Variants in C6orf132 observed in about 807,000 individuals in gnomAD.
C6orf132 encodes the protein chromosome 6 open reading frame 132, also known as uncharacterized protein C6orf132.
C6orf132 carries 43 observed loss-of-function variants against 65.3 expected under a neutral mutation model. The ratio of observed to expected loss-of-function variants is 0.66; its 90% CI spans 0.52 to 0.85. C6orf132 has a LOEUF of 0.85. Among genes scored for constraint, C6orf132 ranks in the 40% least tolerant of loss-of-function variants. C6orf132 has a pLI of 0.00. For missense variants in C6orf132, 1,488 were observed against 1,548.8 expected (o/e 0.96, Z 0.66); for synonymous variants, 631 against 654.1 (o/e 0.96, Z 0.54).
In C6orf132 at chr6:42,107,361, GGCGGGGGTGGGGGTTCCAGCA is replaced by G; in HGVS notation, c.530_550del (p.Leu177_Pro183del). 2 of 1,034,452 alleles carry G rather than the reference GGCGGGGGTGGGGGTTCCAGCA, an allele frequency of 1.9e-6. No homozygotes were observed. The highest frequency in any genetic ancestry group is 2.8e-6 in the Non-Finnish European group (2 of 712,318). The allele number at this position is 1,034,452 out of a possible 1,614,324, so 64.1% of individuals were successfully genotyped here. ...TGGGGGTGGAGGTGGGGCCATGCTGGGCGGGGGTGGGGGTTCCAGCAGCAGGGGAGGTGGTGGGGGTGCTGT... is the reference window on the plus strand; with the variant it reads ...TGGGGGTGGAGGTGGGGCCATGCTGGGCAGGGGAGGTGGTGGGGGTGCTGT... On this transcript the variant is annotated inframe_deletion, in exon 4 of 5. Transcript: ENST00000341865.
Position 42,105,937 on chromosome 6 carries a change from G to A in C6orf132, c.1975C>T (p.Pro659Ser), listed in dbSNP as rs1766395100. The A allele has an allele frequency of 9.1e-6, 14 of 1,537,224 alleles. No homozygotes were observed. Among genetic ancestry groups the A allele is most frequent in the Non-Finnish European group, 1.2e-5 (14 of 1,146,906 alleles). The change falls in exon 4 of 5, where the codon CCA becomes TCA. Residue 659 changes from proline (P) to serine (S), a missense_variant. Transcript: ENST00000341865. ...PAIPPKATLW[P>S]ATPPKATLGP... ...AGTGTGGCCTTGGGTGGTGTGGCTGGCCAAAGTGTAGCCTTGGGTGGTATG... is the reference window on the plus strand; with the variant it reads ...AGTGTGGCCTTGGGTGGTGTGGCTGACCAAAGTGTAGCCTTGGGTGGTATG...
At chr6:42,127,212 C>G (rs1766781706) in intron 2 of C6orf132, among the ~76,000 whole-genome samples, 1 of 152,208 alleles carries the variant, frequency 6.6e-6, no homozygotes, top group Non-Finnish European at 1.5e-5. Flanking sequence ...ACCTCGGCCT[C>G]CCAAAGTGCT....
At chr6:42,138,208 G>A (rs986111312) in intron 1 of C6orf132, among the ~76,000 whole-genome samples, 5 of 152,198 alleles carry the variant, frequency 3.3e-5, no homozygotes, top group Non-Finnish European at 7.4e-5. Context: ...GTGCAGTGGT[G>A]CCATCATAGC....
Position 42,107,573 on chromosome 6 carries a change from T to G in C6orf132, c.339A>C (p.Ser113=). ...ACAGTCGGAGGTTGCCATTGACTAG[T>G]GAGCTGGTACCTGAAAGAAGGAGAG... is the stretch of plus-strand genomic sequence containing the variant. ...FADKEVTGTS[S]LVNGNLRLYS... The change falls in exon 4 of 5, where the codon TCA becomes TCC. Residue 113 remains serine (S), a synonymous_variant. Transcript: ENST00000341865. 1.9e-6 allele frequency: 3 copies of G among 1,550,480 alleles called. No homozygotes were observed. In the East Asian group the frequency reaches 7.3e-5, roughly 38 times the overall value.
chr6:42,115,289 CAAA>C (rs58397911), intron 2 of C6orf132, among the ~76,000 whole-genome samples: 10 of 73,646 alleles, frequency 1.4e-4, no homozygotes, highest in Admixed American at 3.2e-4. Flanking sequence ...GACTCCATCT[CAAA>C]AAAAAAAAAA....
chr6:42,141,456 A>G lies in C6orf132; in HGVS notation c.145+844T>C, dbSNP rs145626577. Among the ~76,000 whole-genome samples the G allele has an allele frequency of 4.3e-3, 649 of 152,306 alleles. 1 individual carries two copies. Among genetic ancestry groups the G allele is most frequent in the Middle Eastern group, 6.8e-3 (2 of 294 alleles). Reference sequence around the variant, plus strand: ...CTCCAGCCGCTGGCTTCCCCTAGTTATAGAGAATACAAATTGCAAAACGAT... The same window carrying G: ...CTCCAGCCGCTGGCTTCCCCTAGTTGTAGAGAATACAAATTGCAAAACGAT... On this transcript the variant is annotated intron_variant, in intron 1 of 4. Transcript: ENST00000341865.
At chr6:42,126,121 G>A (rs61611193) in intron 2 of C6orf132, among the ~76,000 whole-genome samples, 20,458 of 151,648 alleles carry the variant, frequency 0.13, 1,632 homozygotes, top group Middle Eastern at 0.22. Flanking sequence ...TCGCTCTGTC[G>A]TCCAGGCTGG....
chr6:42,130,754 C>G (rs1003909634), intron 1 of C6orf132, among the ~76,000 whole-genome samples: 1 of 151,864 alleles, frequency 6.6e-6, no homozygotes, highest in Non-Finnish European at 1.5e-5. Flanking sequence ...AAGGTAAAAA[C>G]TTACTGAGCA....
At position 42,101,275 on chromosome 6, in the gene C6orf132, C is replaced by A. The variant is rs1162210826; in HGVS notation, c.*2486G>T. The A allele has an allele frequency of 6.6e-6, 1 of 152,214 alleles. No homozygotes were observed. The highest frequency in any genetic ancestry group is 1.5e-5 in the Non-Finnish European group (1 of 68,048). 9.4% of individuals were successfully genotyped at this position (152,214 alleles called of 1,614,324 possible). A position where few individuals can be genotyped will look rare whatever the true frequency, so the allele number is the denominator to read the frequency against. ...TCAGTATGTCACCACCACAAGAGGC[C>A]TTCCCTGACTACCCTGTTAAAGTAA... is the stretch of plus-strand genomic sequence containing the variant. On this transcript the variant is annotated 3_prime_UTR_variant, in exon 5 of 5. Coordinates refer to ENST00000341865, the MANE Select transcript of C6orf132 (RefSeq NM_001164446.3).
In C6orf132 at chr6:42,104,763, C is replaced by G; in HGVS notation, c.3149G>C (p.Gly1050Ala). ...GCCCCCTCCCGAGAAGCGCTCCAGG[C>G]CCCCAGCCCCGGCGTAGCGCGCGCC... Reference protein sequence around the residue: ...PAGARYAGAGGLERFSGGGRS... With the variant: ...PAGARYAGAGALERFSGGGRS... The change falls in exon 4 of 5, where the codon GGC becomes GCC. Residue 1050 changes from glycine (G) to alanine (A), a missense_variant. Transcript: ENST00000341865. The surrounding 1 kb of genome is among the most constrained non-coding windows in gnomAD (Gnocchi z 4.1). 2 of 1,513,260 alleles carry G rather than the reference C, an allele frequency of 1.3e-6. No homozygotes were observed. The highest frequency in any genetic ancestry group is 1.8e-6 in the Non-Finnish European group (2 of 1,137,224). 93.7% of individuals were successfully genotyped at this position (1,513,260 alleles called of 1,614,324 possible).
intron 3 of C6orf132, among the ~76,000 whole-genome samples, chr6:42,109,163 G>A (rs1295416295): frequency 6.6e-6 from 1 of 152,134 alleles, no homozygotes; most frequent in Non-Finnish European, 1.5e-5. Flanking sequence ...GGCCGGGTGC[G>A]GTGGCTCACA....
chr6:42,104,736 C>A lies in C6orf132; in HGVS notation c.3176G>T (p.Arg1059Leu). 1.3e-6 allele frequency: 2 copies of A among 1,525,610 alleles called. No individual in the cohort carries two copies. Among genetic ancestry groups the A allele is most frequent in the South Asian group, 2.4e-5 (2 of 83,388 alleles). 94.5% of individuals were successfully genotyped at this position (1,525,610 alleles called of 1,614,324 possible). A position where few individuals can be genotyped will look rare whatever the true frequency, so the allele number is the denominator to read the frequency against. ...GGLERFSGGG[R>L]SLIKKRLYVG... is the part of the protein sequence containing the mutation. ...GTACAGGCGCTTCTTTATGAGCGAGCGGCCCCCTCCCGAGAAGCGCTCCAG... is the reference window on the plus strand; with the variant it reads ...GTACAGGCGCTTCTTTATGAGCGAGAGGCCCCCTCCCGAGAAGCGCTCCAG... Residue 1059 changes from arginine (R) to leucine (L), a missense_variant, in exon 4 of 5, where the codon CGC becomes CTC. Physicochemically the swap from Arg to Leu is moderately radical, Grantham distance 102. Coordinates refer to ENST00000341865, the MANE Select transcript of C6orf132 (RefSeq NM_001164446.3). The surrounding 1 kb of genome is among the most constrained non-coding windows in gnomAD (Gnocchi z 4.1).
At chr6:42,133,504 G>A (rs1180174750) in intron 1 of C6orf132, among the ~76,000 whole-genome samples, 1 of 152,160 alleles carries the variant, frequency 6.6e-6, no homozygotes, top group African/African-American at 2.4e-5. Context: ...CCTGGACCCA[G>A]GAGCTTCCAG....
chr6:42,115,203 TCACTTGAACC>T (rs1766546971), intron 2 of C6orf132, among the ~76,000 whole-genome samples: 1 of 146,324 alleles, frequency 6.8e-6, no homozygotes, highest in Non-Finnish European at 1.5e-5. Context: ...GGCAGGGGAA[TCACTTGAACC>T]CGGGAGGCAG....
rs1238321045 is a variant in C6orf132, at chr6:42,104,821, G to A, written c.3091C>T (p.Pro1031Ser). The change falls in exon 4 of 5, where the codon CCC becomes TCC. Residue 1031 changes from proline (P) to serine (S), a missense_variant. Physicochemically the swap from Pro to Ser is moderately conservative, Grantham distance 74 (BLOSUM62 -1). Transcript: ENST00000341865. This position sits in a 1 kb window ranked among gnomAD's most constrained non-coding sequence, Gnocchi z 4.1. ...AAGCGCGAGAAGCCGAGAGCCGGGG[G>A]CGCCCCGGGGCCAGCGTTCGGGAGC... ...RQLPNAGPGA[P>S]PALGFSRFPA... 8.2e-6 allele frequency: 12 copies of A among 1,464,702 alleles called. No individual in the cohort carries two copies. Among genetic ancestry groups the A allele is most frequent in the East Asian group, 2.5e-5 (1 of 39,776 alleles). 90.7% of individuals were successfully genotyped at this position (1,464,702 alleles called of 1,614,324 possible). A position where few individuals can be genotyped will look rare whatever the true frequency, so the allele number is the denominator to read the frequency against.
intron 2 of C6orf132, among the ~76,000 whole-genome samples, chr6:42,114,768 G>A (rs1485228581): frequency 8.5e-5 from 13 of 152,310 alleles, no homozygotes. Flanking sequence ...ACTTTGGGAG[G>A]CTGAGACAGG....
chr6:42,132,170 CTG>C (rs1766863200), intron 1 of C6orf132, among the ~76,000 whole-genome samples: 1 of 152,164 alleles, frequency 6.6e-6, no homozygotes, highest in South Asian at 2.1e-4. Context: ...CCACAGAGAC[CTG>C]TGTCAGAGTT....
chr6:42,115,568 C>T (rs539685387), intron 2 of C6orf132, among the ~76,000 whole-genome samples: 1 of 152,180 alleles, frequency 6.6e-6, no homozygotes, highest in East Asian at 1.9e-4. Flanking sequence ...ATGGCGTGAA[C>T]CCGGGAGGCG....
chr6:42,123,469 AAGGAGAAGG>A (rs1562038696), intron 2 of C6orf132, among the ~76,000 whole-genome samples: 9 of 119,108 alleles, frequency 7.6e-5, no homozygotes, highest in Non-Finnish European at 1.5e-4. Context: ...GAAGGAGAAG[AAGGAGAAGG>A]AGAAGAAGAA....
Sources: gnomAD v4.1 joint callset for allele counts (sites outside exome capture counted in the v4.1 genomes callset) on GRCh38, gnomAD v4.1.1 for gene constraint, Gnocchi (gnomAD v3.1) non-coding constraint, MANE v1.5 for transcripts, NCBI Gene and HGNC (gene_info 2026-07-23, HGNC 2026-07-21) for gene names.